The following ADAMTSL1 variants were observed in gnomAD, a reference collection of about 807,000 sequenced individuals.
ADAMTSL1 encodes the protein ADAMTS-like protein 1.
ADAMTSL1 carries 126 observed loss-of-function variants against 201.8 expected under a neutral mutation model. That is an observed-to-expected ratio of 0.62 (90% CI 0.54 to 0.72). The LOEUF (loss-of-function observed/expected upper bound fraction) is 0.72, where lower values mean the gene tolerates loss of function less well. ADAMTSL1 is among the 30% of genes least tolerant of loss of function. The probability of loss-of-function intolerance (pLI) is 0.00; values close to 1 mark genes in which losing one functional copy is unlikely to be tolerated. For synonymous variants in ADAMTSL1, 1,121 were observed against 903.4 expected, an observed-to-expected ratio of 1.24 and a Z score of -4.32; for missense variants, 2,679 against 2,277.8, an observed-to-expected ratio of 1.18 and a Z score of -3.59.
intron 2 of ADAMTSL1, among the ~76,000 whole-genome samples, chr9:18,322,015 A>G (rs910186149): frequency 6.6e-6 from 1 of 152,198 alleles, no homozygotes; most frequent in African/African-American, 2.4e-5. Flanking sequence ...AAATATTTGA[A>G]AATTAAACAT....
At chr9:18,155,106 C>T (rs1202911843) in intron 1 of ADAMTSL1, among the ~76,000 whole-genome samples, 1 of 151,910 alleles carries the variant, frequency 6.6e-6, no homozygotes, top group Non-Finnish European at 1.5e-5. Context: ...GGAAATAAAT[C>T]TGTTTGGGTC....
At chr9:18,079,826 T>C (rs1260281194) in intron 1 of ADAMTSL1, among the ~76,000 whole-genome samples, 1 of 151,886 alleles carries the variant, frequency 6.6e-6, no homozygotes, top group African/African-American at 2.4e-5. Flanking sequence ...TACAGGCACA[T>C]GAGGTTGGAA....
chr9:18,820,544 A>G (rs1417223294), intron 21 of ADAMTSL1, among the ~76,000 whole-genome samples: 1 of 152,222 alleles, frequency 6.6e-6, no homozygotes, highest in African/African-American at 2.4e-5. Flanking sequence ...CCTCTCAGTA[A>G]TAAACATTTG....
intron 2 of ADAMTSL1, among the ~76,000 whole-genome samples, chr9:18,167,935 C>G (rs1349426979): frequency 6.6e-6 from 1 of 151,970 alleles, no homozygotes; most frequent in East Asian, 1.9e-4. Flanking sequence ...CACTTGAATT[C>G]ATTCAGCACA....
chr9:18,097,832 A>G (rs1365166694), intron 1 of ADAMTSL1, among the ~76,000 whole-genome samples: 1 of 151,284 alleles, frequency 6.6e-6, no homozygotes, highest in East Asian at 1.9e-4. Context: ...TGTCAAATAT[A>G]TTTGTTCACT....
intron 1 of ADAMTSL1, among the ~76,000 whole-genome samples, chr9:17,985,806 G>C (rs1263532659): frequency 6.6e-6 from 1 of 152,086 alleles, no homozygotes; most frequent in African/African-American, 2.4e-5. Flanking sequence ...TTTCTGTAAA[G>C]AGCAACATCT....
At chr9:18,177,533 G>A (rs1292046040) in intron 2 of ADAMTSL1, among the ~76,000 whole-genome samples, 2 of 152,154 alleles carry the variant, frequency 1.3e-5, no homozygotes, top group Non-Finnish European at 2.9e-5. Flanking sequence ...TTCAGGACCA[G>A]TATGATCAAA....
At chr9:18,854,238 G>GCA (rs145387496) in intron 23 of ADAMTSL1, among the ~76,000 whole-genome samples, 6 of 150,566 alleles carry the variant, frequency 4.0e-5, no homozygotes, top group South Asian at 4.2e-4. Flanking sequence ...ACATATGCAC[G>GCA]CACACACACA....
chr9:18,795,362 T>G (rs368803242), intron 19 of ADAMTSL1, 35 bp from the exon 20 acceptor site: 1 of 1,612,390 alleles, frequency 6.2e-7, no homozygotes, highest in Non-Finnish European at 8.5e-7. Flanking sequence ...GTCAACTGAC[T>G]TGACCAGGTC....
intron 23 of ADAMTSL1, among the ~76,000 whole-genome samples, chr9:18,844,417 C>A (rs1256016929): frequency 6.6e-6 from 1 of 152,128 alleles, no homozygotes; most frequent in Admixed American, 6.5e-5. Flanking sequence ...GAGGAGTACC[C>A]GGCCGTGTAA....
chr9:18,189,761 CA>C (rs1314937823), intron 2 of ADAMTSL1, among the ~76,000 whole-genome samples: 1 of 152,028 alleles, frequency 6.6e-6, no homozygotes, highest in Non-Finnish European at 1.5e-5. Flanking sequence ...CTGTGTTTGG[CA>C]AGATATGTTT....
intron 3 of ADAMTSL1, among the ~76,000 whole-genome samples, chr9:18,553,316 A>T (rs182690112): frequency 3.3e-5 from 5 of 150,916 alleles, no homozygotes; most frequent in Non-Finnish European, 5.9e-5. Flanking sequence ...TTTAATATGC[A>T]TACCTAAAGT....
intron 9 of ADAMTSL1, among the ~76,000 whole-genome samples, chr9:18,671,655 G>T (rs1334780184): frequency 6.6e-6 from 1 of 152,156 alleles, no homozygotes; most frequent in African/African-American, 2.4e-5. Flanking sequence ...CAGAAACGAA[G>T]ATTTGCAGTT....
At chr9:18,339,707 T>A (rs1190322343) in intron 2 of ADAMTSL1, among the ~76,000 whole-genome samples, 3 of 152,154 alleles carry the variant, frequency 2.0e-5, no homozygotes, top group Admixed American at 1.3e-4. Context: ...CCCAAAGTGT[T>A]GGGATAACAG....
At chr9:17,921,424 G>A (rs530984404) in intron 1 of ADAMTSL1, among the ~76,000 whole-genome samples, 5 of 152,010 alleles carry the variant, frequency 3.3e-5, no homozygotes, top group East Asian at 1.9e-4. Context: ...TTCATCTTTC[G>A]CCTGTTGTTG....
chr9:18,300,721 A>C (rs1833674827), intron 2 of ADAMTSL1, among the ~76,000 whole-genome samples: 1 of 152,192 alleles, frequency 6.6e-6, no homozygotes, highest in Non-Finnish European at 1.5e-5. Flanking sequence ...CAGGAAATTT[A>C]ATACAGGAAA....
chr9:18,609,880 G>A (rs976808585), intron 4 of ADAMTSL1, among the ~76,000 whole-genome samples: 4 of 152,134 alleles, frequency 2.6e-5, no homozygotes, highest in Non-Finnish European at 5.9e-5. Flanking sequence ...CAAATCCTTA[G>A]AACAAGTATA....
chr9:18,359,686 T>G (rs1836416057), intron 2 of ADAMTSL1, among the ~76,000 whole-genome samples: 1 of 152,160 alleles, frequency 6.6e-6, no homozygotes, highest in South Asian at 2.1e-4. Flanking sequence ...TTTGTAAGCC[T>G]TCACCCATTT....
intron 5 of ADAMTSL1, among the ~76,000 whole-genome samples, chr9:18,623,960 G>T (rs1168748446): frequency 6.6e-6 from 1 of 152,144 alleles, no homozygotes; most frequent in Non-Finnish European, 1.5e-5. Flanking sequence ...TGGACTTATA[G>T]GTCAAGGAAG....
Sources: gnomAD v4.1 joint callset for allele counts (sites outside exome capture counted in the v4.1 genomes callset) on GRCh38, gnomAD v4.1.1 for gene constraint, MANE v1.5 for transcripts, NCBI Gene and HGNC (gene_info 2026-07-23, HGNC 2026-07-21) for gene names.